The following FER1L6 variants were observed in gnomAD, a reference collection of about 807,000 sequenced individuals.
FER1L6 encodes the protein fer-1 like family member 6.
A neutral mutation model predicts 219.2 loss-of-function variants in FER1L6; 177 were observed. That is an observed-to-expected ratio of 0.81 (90% CI 0.71 to 0.91). FER1L6 has a LOEUF of 0.91. FER1L6 is among the 40% of genes least tolerant of loss of function. The pLI is 0.00. For missense variants in FER1L6, 2,153 were observed against 2,259.9 expected (o/e 0.95, Z 0.96); for synonymous variants, 768 against 824.3 (o/e 0.93, Z 1.17).
chr8:124,009,400 GT>G (rs1238037369), intron 13 of FER1L6, among the ~76,000 whole-genome samples: 1 of 152,152 alleles, frequency 6.6e-6, no homozygotes, highest in Non-Finnish European at 1.5e-5. Context: ...AGGAGCTGGT[GT>G]TTTTGTTCAA....
intron 31 of FER1L6, among the ~76,000 whole-genome samples, chr8:124,072,423 A>G (rs986099808): frequency 1.3e-5 from 2 of 152,086 alleles, no homozygotes; most frequent in Non-Finnish European, 2.9e-5. Context: ...AACTGTATGA[A>G]CCCCAATGGT....
At chr8:123,959,939 C>A (rs991422699) in intron 2 of FER1L6, among the ~76,000 whole-genome samples, 1 of 152,122 alleles carries the variant, frequency 6.6e-6, no homozygotes, top group Non-Finnish European at 1.5e-5. Flanking sequence ...ACTTTTCTTG[C>A]CCAATTCTTT....
In FER1L6 at chr8:123,852,524, CAGAG is replaced by C. The variant is rs147251347; in HGVS notation, c.-8+340_-8+343del. 0.014 allele frequency among the ~76,000 whole-genome samples: 1,912 copies of C among 139,808 alleles called. 35 individuals carry two copies. The highest frequency in any genetic ancestry group is 0.045 in the African/African-American group (1,697 of 37,386). The allele number at this position is 139,808 out of a possible 152,430, so 91.7% of individuals were successfully genotyped here. On this transcript the variant is annotated intron_variant, in intron 1 of 40. Transcript: ENST00000522917. The surrounding 1 kb of genome is among the most constrained non-coding windows in gnomAD (Gnocchi z 4.9). The stretch of plus-strand genomic sequence containing the variant: ...TGTGTGTGTGTGTGTTTGACAGAGA[CAGAG>C]GGAGGAGAAAGAAGAGAGACTGGTA...
At chr8:124,075,881 G>A (rs1051951356) in intron 31 of FER1L6, among the ~76,000 whole-genome samples, 45 of 152,280 alleles carry the variant, frequency 3.0e-4, no homozygotes, top group African/African-American at 1.0e-3. Flanking sequence ...CTCCTGGTCC[G>A]GCATTTTTCT....
chr8:123,882,603 C>G (rs1425738882), intron 1 of FER1L6, among the ~76,000 whole-genome samples: 2 of 151,876 alleles, frequency 1.3e-5, no homozygotes, highest in Non-Finnish European at 2.9e-5. Flanking sequence ...AAATAATAAA[C>G]AAAATACAAA....
rs1189839903 is a variant in FER1L6, at chr8:124,119,718, C to A, written c.5502C>A (p.Leu1834=). 14 of 1,613,490 alleles carry A rather than the reference C, an allele frequency of 8.7e-6. 1 individual carries two copies. The South Asian group carries it at 1.3e-4, about 15-fold the overall frequency. The part of the protein sequence containing the change: ...YIIIAFILII[L]IIFLVLFIYT... ...TCATTGCTTTCATTCTCATCATCCT[C>A]ATCATCTTCCTCGTCCTTTTCATCT... The change falls in exon 41 of 41, where the codon CTC becomes CTA. Residue 1834 remains leucine (L), a synonymous_variant. Coordinates refer to ENST00000522917, the MANE Select transcript of FER1L6 (RefSeq NM_001039112.2).
intron 33 of FER1L6, among the ~76,000 whole-genome samples, chr8:124,086,770 C>T (rs1821802423): frequency 6.6e-6 from 1 of 152,120 alleles, no homozygotes; most frequent in South Asian, 2.1e-4. Flanking sequence ...TCTTATAGGA[C>T]AGGTCTGGTG....
intron 32 of FER1L6, among the ~76,000 whole-genome samples, chr8:124,080,633 T>G (rs1821505685): frequency 6.6e-6 from 1 of 152,110 alleles, no homozygotes; most frequent in East Asian, 1.9e-4. Context: ...TTTGGTAACT[T>G]TTATTGACAG....
intron 1 of FER1L6, among the ~76,000 whole-genome samples, chr8:123,857,363 A>G (rs1292367177): frequency 6.6e-6 from 1 of 152,124 alleles, no homozygotes; most frequent in African/African-American, 2.4e-5. Flanking sequence ...TTTAAAAATT[A>G]GCCAGACATT....
At position 123,973,425 on chromosome 8, in the gene FER1L6, T is replaced by A; in HGVS notation, c.448-9T>A. The A allele has an allele frequency of 1.2e-6, 2 of 1,610,864 alleles. No homozygotes were observed. Among genetic ancestry groups the A allele is most frequent in the East Asian group, 4.5e-5 (2 of 44,862 alleles). ...AATCTGCCATACTCCCTGCTCTCTC[T>A]CTCCTCAGGTCTTTCACCACAAGCT... On this transcript the variant is annotated splice_polypyrimidine_tract_variant and intron_variant, in intron 6 of 40. Coordinates refer to ENST00000522917, the MANE Select transcript of FER1L6 (RefSeq NM_001039112.2).
chr8:123,882,650 G>A (rs187884523), intron 1 of FER1L6, among the ~76,000 whole-genome samples: 1 of 152,188 alleles, frequency 6.6e-6, no homozygotes, highest in East Asian at 1.9e-4. Context: ...GTATTCTAAA[G>A]GAAATAAAAT....
At chr8:123,971,451 G>C (rs1815811093) in intron 6 of FER1L6, among the ~76,000 whole-genome samples, 1 of 152,202 alleles carries the variant, frequency 6.6e-6, no homozygotes, top group Non-Finnish European at 1.5e-5. Flanking sequence ...AGGCTTCTAA[G>C]GATTGTCTGA....
chr8:124,028,684 C>G (rs1818823056), intron 18 of FER1L6, among the ~76,000 whole-genome samples: 3 of 152,162 alleles, frequency 2.0e-5, no homozygotes, highest in African/African-American at 7.2e-5. Flanking sequence ...GCAGTTGTAA[C>G]CTTGGAAACT....
At chr8:124,052,525 C>T (rs1294317678) in intron 22 of FER1L6, among the ~76,000 whole-genome samples, 1 of 152,076 alleles carries the variant, frequency 6.6e-6, no homozygotes, top group Non-Finnish European at 1.5e-5. Flanking sequence ...GTGGCTCACA[C>T]CTGTAATCCC....
chr8:123,929,238 A>G (rs1195746507), intron 1 of FER1L6, among the ~76,000 whole-genome samples: 1 of 152,236 alleles, frequency 6.6e-6, no homozygotes, highest in African/African-American at 2.4e-5. Context: ...TGCCCCATGC[A>G]CATGCATGAG....
chr8:124,108,125 C>T (rs1029940207), intron 39 of FER1L6, among the ~76,000 whole-genome samples: 5 of 152,054 alleles, frequency 3.3e-5, no homozygotes, highest in African/African-American at 1.2e-4. Context: ...CTTGGGGTGC[C>T]GAGGCACGAG....
chr8:123,993,175 G>T (rs1563730335), intron 12 of FER1L6, among the ~76,000 whole-genome samples: 1 of 152,144 alleles, frequency 6.6e-6, no homozygotes, highest in African/African-American at 2.4e-5. Context: ...GGGCGCGGTG[G>T]CTCACGCCTG....
rs147021764 is a variant in FER1L6 at position 124,101,906 on chromosome 8, G to A, written c.5125+568G>A. Among the ~76,000 whole-genome samples the A allele has an allele frequency of 2.8e-4, 43 of 152,280 alleles. No individual in the cohort carries two copies. The East Asian group carries it at 8.1e-3, about 29-fold the overall frequency. The stretch of plus-strand genomic sequence containing the variant: ...ATCAATCAATACATGTAAGATGTAT[G>A]TTAGCGACAACTGGAAGTGGGGGCT... On this transcript the variant is annotated intron_variant, in intron 38 of 40. Transcript: ENST00000522917.
At chr8:124,076,715 G>A (rs1368539738) in intron 32 of FER1L6, among the ~76,000 whole-genome samples, 1 of 152,150 alleles carries the variant, frequency 6.6e-6, no homozygotes. Flanking sequence ...ACAGAGCAGA[G>A]ATTTCCTTTT....
Sources: gnomAD v4.1 joint callset for allele counts (sites outside exome capture counted in the v4.1 genomes callset) on GRCh38, gnomAD v4.1.1 for gene constraint, Gnocchi (gnomAD v3.1) non-coding constraint, MANE v1.5 for transcripts, NCBI Gene and HGNC (gene_info 2026-07-23, HGNC 2026-07-21) for gene names.